The following INPP4B variants were observed in gnomAD, a reference collection of about 807,000 sequenced individuals.
The protein encoded by INPP4B is inositol polyphosphate-4-phosphatase type II B, also known as inositol polyphosphate 4-phosphatase type II.
INPP4B carries 55 observed loss-of-function variants against 122.5 expected under a neutral mutation model. The observed-to-expected ratio is 0.45, with a 90% CI of 0.36 to 0.56. The LOEUF (loss-of-function observed/expected upper bound fraction) is 0.56. INPP4B is among the 20% of genes least tolerant of loss of function. The pLI is 0.00. For synonymous variants in INPP4B, 403 were observed against 388.7 expected (o/e 1.04, Z -0.43); for missense variants, 1,000 against 1,097.7 (o/e 0.91, Z 1.26).
chr4:142,335,409 ATTATC>A (rs1003768235), intron 7 of INPP4B, among the ~76,000 whole-genome samples: 7 of 152,098 alleles, frequency 4.6e-5, no homozygotes, highest in Non-Finnish European at 8.8e-5. Flanking sequence ...TACTCCCTCA[ATTATC>A]TTATCTTTTA....
intron 2 of INPP4B, among the ~76,000 whole-genome samples, chr4:142,532,565 C>G (rs1439274222): frequency 3.3e-5 from 5 of 152,082 alleles, no homozygotes; most frequent in African/African-American, 1.2e-4. Context: ...TAATGGCTGC[C>G]TCCCTCACTA....
chr4:142,510,055 C>A (rs1327883603), intron 2 of INPP4B, among the ~76,000 whole-genome samples: 1 of 152,152 alleles, frequency 6.6e-6, no homozygotes, highest in Non-Finnish European at 1.5e-5. Flanking sequence ...TTTATGATAA[C>A]TTTAGATCCA....
At chr4:142,686,022 A>G (rs1443634486) in intron 2 of INPP4B, among the ~76,000 whole-genome samples, 5 of 152,096 alleles carry the variant, frequency 3.3e-5, no homozygotes. Flanking sequence ...TTCTGAATAC[A>G]CCAAAATCTC....
In INPP4B at chr4:142,321,318, C is replaced by T. The variant is rs151075403; in HGVS notation, c.373-6556G>A. On this transcript the variant is annotated intron_variant, in intron 7 of 25. Coordinates refer to ENST00000262992, the MANE Select transcript of INPP4B (RefSeq NM_001101669.3). ...GCCCACTTTTTGATGGAATTATTTG[C>T]TTTTTTCTTGCTGACTTGAGTTCCT... Among the ~76,000 whole-genome samples the T allele has an allele frequency of 3.7e-3, 559 of 152,088 alleles. 1 individual carries two copies. The highest frequency in any genetic ancestry group is 0.013 in the African/African-American group (530 of 41,500).
chr4:142,711,636 C>T (rs1053471241), intron 2 of INPP4B, among the ~76,000 whole-genome samples: 2 of 151,994 alleles, frequency 1.3e-5, no homozygotes, highest in Non-Finnish European at 1.5e-5. Context: ...GAATGTGTCC[C>T]CACAAAATGA....
chr4:142,389,181 T>G, intron 7 of INPP4B, among the ~76,000 whole-genome samples: 1 of 146,226 alleles, frequency 6.8e-6, no homozygotes, highest in Non-Finnish European at 1.5e-5. Context: ...AGCTGGGAGG[T>G]GGAGATTGCA....
chr4:142,037,200 C>T (rs1269810963), intron 25 of INPP4B, among the ~76,000 whole-genome samples: 6 of 152,140 alleles, frequency 3.9e-5, no homozygotes, highest in African/African-American at 1.4e-4. Context: ...CCCGTCAAAG[C>T]AGTCACTTAA....
At chr4:142,274,536 C>A (rs1326917622) in intron 9 of INPP4B, among the ~76,000 whole-genome samples, 3 of 151,738 alleles carry the variant, frequency 2.0e-5, no homozygotes, top group African/African-American at 7.3e-5. Flanking sequence ...AAATGTATGA[C>A]AAATCTGGAA....
At chr4:142,732,172 C>A (rs996187603) in intron 1 of INPP4B, among the ~76,000 whole-genome samples, 17 of 152,052 alleles carry the variant, frequency 1.1e-4, no homozygotes, top group Non-Finnish European at 1.6e-4. Context: ...AAACTAAAGA[C>A]CAGAATGGCA....
chr4:142,373,724 A>C (rs1050543516), intron 7 of INPP4B, among the ~76,000 whole-genome samples: 1 of 152,014 alleles, frequency 6.6e-6, no homozygotes, highest in Non-Finnish European at 1.5e-5. Context: ...GGATGAAGAC[A>C]AGTACATATT....
chr4:142,251,829 A>T (rs189976466), intron 11 of INPP4B, among the ~76,000 whole-genome samples: 1 of 152,314 alleles, frequency 6.6e-6, no homozygotes, highest in Admixed American at 6.5e-5. Flanking sequence ...TTTAGGGGTT[A>T]TGTATTTGTA....
intron 1 of INPP4B, among the ~76,000 whole-genome samples, chr4:142,789,789 G>A (rs1478961494): frequency 6.6e-6 from 1 of 151,798 alleles, no homozygotes; most frequent in Non-Finnish European, 1.5e-5. Context: ...CCAAGACTAA[G>A]CAAAAAGAAT....
chr4:142,341,247 C>G (rs542727698), intron 7 of INPP4B, among the ~76,000 whole-genome samples: 1 of 152,060 alleles, frequency 6.6e-6, no homozygotes, highest in Non-Finnish European at 1.5e-5. Context: ...TGTTTCTAAA[C>G]AGACATGATG....
At chr4:142,804,450 G>C (rs1778419363) in intron 1 of INPP4B, among the ~76,000 whole-genome samples, 1 of 152,170 alleles carries the variant, frequency 6.6e-6, no homozygotes, top group African/African-American at 2.4e-5. Flanking sequence ...CCACAGGGTT[G>C]AATACTTCAT....
intron 5 of INPP4B, among the ~76,000 whole-genome samples, chr4:142,409,478 G>A (rs1470060285): frequency 2.1e-5 from 3 of 145,924 alleles, no homozygotes; most frequent in South Asian, 4.5e-4. Context: ...GGGCAACAGA[G>A]CGAGACTCCT....
intron 18 of INPP4B, among the ~76,000 whole-genome samples, chr4:142,141,658 T>C (rs336396): frequency 0.64 from 97,239 of 151,914 alleles, 36,489 homozygotes; most frequent in South Asian, 0.83. Flanking sequence ...AAAACCTTGG[T>C]TCTCAAACAA....
At chr4:142,500,993 A>G (rs191962058) in intron 2 of INPP4B, among the ~76,000 whole-genome samples, 1 of 152,368 alleles carries the variant, frequency 6.6e-6, no homozygotes, top group East Asian at 1.9e-4. Flanking sequence ...ATATTGTAAA[A>G]TTAAACATTT....
intron 2 of INPP4B, among the ~76,000 whole-genome samples, chr4:142,671,429 T>G (rs1189743702): frequency 6.6e-6 from 1 of 152,170 alleles, no homozygotes; most frequent in Non-Finnish European, 1.5e-5. Context: ...ACTGTGTATT[T>G]TCCTGCCTCC....
chr4:142,056,529 T>G (rs1757797736), intron 25 of INPP4B, among the ~76,000 whole-genome samples: 1 of 152,044 alleles, frequency 6.6e-6, no homozygotes, highest in South Asian at 2.1e-4. Context: ...CCTGGAAACA[T>G]TTAATCTCAC....
Sources: allele counts gnomAD v4.1 joint callset (sites outside exome capture counted in the v4.1 genomes callset), GRCh38; gene constraint gnomAD v4.1.1; transcripts MANE v1.5; gene names NCBI Gene and HGNC (gene_info 2026-07-23, HGNC 2026-07-21).